The following KCNIP1 variants were observed in gnomAD, a reference collection of about 807,000 sequenced individuals.
KCNIP1 encodes the protein A-type potassium channel modulatory protein KCNIP1.
A neutral mutation model predicts 33.0 loss-of-function variants in KCNIP1; 18 were observed. The observed-to-expected ratio is 0.55, with a 90% CI of 0.38 to 0.81. KCNIP1 has a LOEUF of 0.81. KCNIP1 is among the 30% of genes least tolerant of loss of function. The pLI is 0.00. For synonymous variants in KCNIP1, 93 were observed against 98.3 expected (o/e 0.95, Z 0.32); for missense variants, 238 against 271.6 (o/e 0.88, Z 0.87).
At chr5:170,575,134 C>T (rs1757554676) in intron 1 of KCNIP1, among the ~76,000 whole-genome samples, 2 of 152,138 alleles carry the variant, frequency 1.3e-5, no homozygotes, top group South Asian at 4.1e-4. Context: ...CCCATTTCAA[C>T]CAAACAACCT....
rs79752710 is a variant in KCNIP1, at chr5:170,592,903, C to A, written c.61+88270C>A. 2.0e-4 allele frequency among the ~76,000 whole-genome samples: 30 copies of A among 152,098 alleles called. No individual in the cohort carries two copies. The South Asian group carries it at 5.0e-3, about 25-fold the overall frequency. On this transcript the variant is annotated intron_variant, in intron 1 of 7. Coordinates refer to ENST00000328939, the MANE Select transcript of KCNIP1 (RefSeq NM_014592.4). ...AAGCTCCGGACAAACACAAGAAGCC[C>A]GAAACATAATCTGTGCCTTCTGCTT...
chr5:170,596,291 A>G (rs1758437534), intron 1 of KCNIP1, among the ~76,000 whole-genome samples: 1 of 152,216 alleles, frequency 6.6e-6, no homozygotes, highest in South Asian at 2.1e-4. Context: ...CCCTGTGCCC[A>G]TCACACCCAT....
chr5:170,578,089 T>C lies in KCNIP1; in HGVS notation c.61+73456T>C, dbSNP rs183104586. 7.9e-5 allele frequency among the ~76,000 whole-genome samples: 12 copies of C among 152,336 alleles called. No homozygotes were observed. The East Asian group carries it at 2.1e-3, about 27-fold the overall frequency. On this transcript the variant is annotated intron_variant, in intron 1 of 7. Transcript: ENST00000328939. Reference sequence around the variant, plus strand: ...ACTCAGTCAACAAACATGTCTTGAGTGCCCACTATGTGGTAGGCAGGCTTT... The same window carrying C: ...ACTCAGTCAACAAACATGTCTTGAGCGCCCACTATGTGGTAGGCAGGCTTT...
At chr5:170,473,259 T>G (rs1172026531) in intron 1 of KCNIP1, among the ~76,000 whole-genome samples, 1 of 152,206 alleles carries the variant, frequency 6.6e-6, no homozygotes, top group Non-Finnish European at 1.5e-5. Flanking sequence ...TTGACATTTA[T>G]TAAGTGCTTT....
rs539323074 is a variant in KCNIP1 at position 170,411,158 on chromosome 5, C to T, written c.88+57194C>T. Among the ~76,000 whole-genome samples, 4 of 152,316 alleles carry T rather than the reference C, an allele frequency of 2.6e-5. 1 individual carries two copies. Among genetic ancestry groups the T allele is most frequent in the African/African-American group, 7.2e-5 (3 of 41,554 alleles). On this transcript the variant is annotated intron_variant, in intron 1 of 7. Transcript: ENST00000377360. ...CCAAGATGATTGCATCCAAGCGATG[C>T]TAATTGATTGCAGCCTTGCATGGAC...
chr5:170,708,623 G>A lies in KCNIP1; in HGVS notation c.62-10135G>A, dbSNP rs939213008. Among the ~76,000 whole-genome samples, 13 of 152,304 alleles carry A rather than the reference G, an allele frequency of 8.5e-5. 1 individual carries two copies. Among genetic ancestry groups the A allele is most frequent in the Admixed American group, 7.2e-4 (11 of 15,300 alleles). ...ATGAGTTACTTAGAAATTGAATTAG[G>A]CTAGGCATGGTGGCTCCCACCTATA... On this transcript the variant is annotated intron_variant, in intron 1 of 7. Transcript: ENST00000328939.
chr5:170,665,227 G>A (rs1213716023), intron 1 of KCNIP1, among the ~76,000 whole-genome samples: 2 of 152,182 alleles, frequency 1.3e-5, no homozygotes, highest in Admixed American at 6.5e-5. Flanking sequence ...CTGACTTAAT[G>A]AATCTAACTG....
intron 1 of KCNIP1, among the ~76,000 whole-genome samples, chr5:170,524,820 G>A (rs753453108): frequency 4.3e-4 from 65 of 152,240 alleles, no homozygotes; most frequent in Non-Finnish European, 9.0e-4. Flanking sequence ...TCTGAGGCCC[G>A]GCTGCCCTGG....
intron 7 of KCNIP1, among the ~76,000 whole-genome samples, chr5:170,735,358 A>G (rs1303986957): frequency 1.3e-5 from 2 of 152,256 alleles, no homozygotes; most frequent in African/African-American, 4.8e-5. Context: ...AAATAAAAAT[A>G]TGACTTATCA....
intron 1 of KCNIP1, among the ~76,000 whole-genome samples, chr5:170,586,644 T>C (rs367892261): frequency 8.5e-5 from 13 of 152,232 alleles, no homozygotes; most frequent in East Asian, 7.7e-4. Flanking sequence ...TTGTTAGGAG[T>C]GAATGAAGCC....
chr5:170,502,218 T>C (rs1218696629), upstream of KCNIP1, among the ~76,000 whole-genome samples: 1 of 152,232 alleles, frequency 6.6e-6, no homozygotes, highest in Non-Finnish European at 1.5e-5. Context: ...ACAATGTGGT[T>C]GCACAGCAGT....
chr5:170,549,848 A>AT (rs1198725187), intron 1 of KCNIP1, among the ~76,000 whole-genome samples: 8 of 152,322 alleles, frequency 5.3e-5, no homozygotes, highest in African/African-American at 1.9e-4. Flanking sequence ...GTAATAATTC[A>AT]TTTTTTGGGT....
chr5:170,569,055 G>A (rs968414477), intron 1 of KCNIP1, among the ~76,000 whole-genome samples: 2 of 152,158 alleles, frequency 1.3e-5, no homozygotes, highest in African/African-American at 2.4e-5. Context: ...ATGGGCTTTG[G>A]TGTCTCTCTT....
chr5:170,686,532 C>G (rs1402859598), intron 1 of KCNIP1, among the ~76,000 whole-genome samples: 2 of 152,072 alleles, frequency 1.3e-5, no homozygotes, highest in Non-Finnish European at 2.9e-5. Context: ...TGTTTTTTGT[C>G]CCGCATTCTC....
intron 1 of KCNIP1, among the ~76,000 whole-genome samples, chr5:170,625,903 G>T (rs938411970): frequency 6.6e-6 from 1 of 152,208 alleles, no homozygotes; most frequent in Non-Finnish European, 1.5e-5. Flanking sequence ...ACAAGACAGA[G>T]CCACTGAGCA....
intron 1 of KCNIP1, chr5:170,680,941 AAG>A: frequency 2.5e-6 from 1 of 397,856 alleles, no homozygotes; most frequent in Non-Finnish European, 4.4e-6. Context: ...GGGAGGCAGA[AAG>A]AGGAAGGCAG....
chr5:170,697,436 T>C (rs1270734162), intron 1 of KCNIP1, among the ~76,000 whole-genome samples: 1 of 152,218 alleles, frequency 6.6e-6, no homozygotes, highest in Non-Finnish European at 1.5e-5. Flanking sequence ...GTTCCATGAA[T>C]GACTCTTTAA....
intron 1 of KCNIP1, chr5:170,421,838 C>T (rs1157201075): frequency 6.6e-6 from 1 of 152,086 alleles, no homozygotes; most frequent in Non-Finnish European, 1.5e-5. Context: ...CGTATTTTTC[C>T]AATGTGAATA....
chr5:170,466,909 G>A (rs988730453), intron 1 of KCNIP1, among the ~76,000 whole-genome samples: 1 of 152,184 alleles, frequency 6.6e-6, no homozygotes, highest in Non-Finnish European at 1.5e-5. Flanking sequence ...GAATAGCCAA[G>A]AAGGATGAAT....
Sources: allele counts gnomAD v4.1 joint callset (sites outside exome capture counted in the v4.1 genomes callset), GRCh38; gene constraint gnomAD v4.1.1; transcripts MANE v1.5; gene names NCBI Gene and HGNC (gene_info 2026-07-23, HGNC 2026-07-21).